Variants in TSNARE1 observed in about 807,000 individuals in gnomAD.
TSNARE1 encodes the protein t-SNARE domain containing 1.
A neutral mutation model predicts 62.0 loss-of-function variants in TSNARE1; 49 were observed. The ratio of observed to expected loss-of-function variants is 0.79; its 90% CI spans 0.63 to 1.00. The LOEUF (loss-of-function observed/expected upper bound fraction) is 1.00, where lower values mean the gene tolerates loss of function less well. TSNARE1 is among the 50% of genes least tolerant of loss of function. TSNARE1 has a pLI of 0.00. For synonymous variants in TSNARE1, 328 were observed against 294.4 expected, an observed-to-expected ratio of 1.11 and a Z score of -1.17; for missense variants, 755 against 700.1, an observed-to-expected ratio of 1.08 and a Z score of -0.88.
chr8:142,377,328 C>T (rs1836414577), intron 1 of TSNARE1, among the ~76,000 whole-genome samples: 1 of 151,566 alleles, frequency 6.6e-6, no homozygotes, highest in African/African-American at 2.4e-5. Context: ...TCCACACACA[C>T]GAACACAGAC....
chr8:142,246,813 T>A (rs1461657647), intron 12 of TSNARE1, among the ~76,000 whole-genome samples: 1 of 152,192 alleles, frequency 6.6e-6, no homozygotes, highest in Non-Finnish European at 1.5e-5. Flanking sequence ...GACACACTCC[T>A]CCTTCCAGTC....
chr8:142,253,197 T>C (rs950251037), intron 12 of TSNARE1, among the ~76,000 whole-genome samples: 13 of 152,080 alleles, frequency 8.5e-5, no homozygotes, highest in African/African-American at 3.1e-4. Flanking sequence ...GCACTACGGG[T>C]ACGGGAGGAG....
At chr8:142,362,169 G>C (rs934068644) in intron 1 of TSNARE1, among the ~76,000 whole-genome samples, 3 of 152,212 alleles carry the variant, frequency 2.0e-5, no homozygotes, top group Non-Finnish European at 4.4e-5. Flanking sequence ...TCAGACAGCG[G>C]CACAGGAAGG....
intron 6 of TSNARE1, among the ~76,000 whole-genome samples, chr8:142,324,046 G>C (rs1332013911): frequency 6.6e-6 from 1 of 152,254 alleles, no homozygotes; most frequent in African/African-American, 2.4e-5. Context: ...GGAAACGCTA[G>C]CTGTACATTG....
chr8:142,229,560 T>C lies in TSNARE1; in HGVS notation c.1466A>G (p.Lys489Arg), dbSNP rs1817005250. The change falls in exon 13 of 14, where the codon AAG (lysine) becomes AGG (arginine). Residue 489 changes from lysine (K) to arginine (R), a missense_variant. Lys to Arg is a conservative substitution (Grantham distance 26). Transcript: ENST00000524325. ...GACTCCAGCTGATAGGAAGCAGCAC[T>C]TGATCTTGTGTCTCTGGAGCTGGGA... Reference protein sequence around the residue: ...SRHQLQRHKIKCCFLSAGVTA... With the variant: ...SRHQLQRHKIRCCFLSAGVTA... 1 of 1,613,982 alleles carries C rather than the reference T, an allele frequency of 6.2e-7. No individual in the cohort carries two copies. The highest frequency in any genetic ancestry group is 1.3e-5 in the African/African-American group (1 of 75,018).
chr8:142,244,158 C>T (rs999034449), intron 12 of TSNARE1, among the ~76,000 whole-genome samples: 1 of 152,216 alleles, frequency 6.6e-6, no homozygotes, highest in Non-Finnish European at 1.5e-5. Flanking sequence ...TGCACTCTAG[C>T]CTGGGCGACA....
At chr8:142,346,989 A>G (rs2130482505) in intron 2 of TSNARE1, among the ~76,000 whole-genome samples, 1 of 152,314 alleles carries the variant, frequency 6.6e-6, no homozygotes, top group East Asian at 1.9e-4. Context: ...TCCTGCCCCC[A>G]GACAGCACTG....
chr8:142,333,652 G>C (rs547498475), intron 4 of TSNARE1, among the ~76,000 whole-genome samples: 1 of 152,272 alleles, frequency 6.6e-6, no homozygotes, highest in Non-Finnish European at 1.5e-5. Context: ...CCAGGGCAGA[G>C]CTGACCCTGG....
chr8:142,223,946 G>GCAC (rs137899858), intron 13 of TSNARE1, among the ~76,000 whole-genome samples: 136,019 of 151,916 alleles, frequency 0.9, 60,974 homozygotes, highest in Non-Finnish European at 0.92. Context: ...GCCACCCAGG[G>GCAC]GAGGGCTTTC....
At chr8:142,342,835 C>T (rs1832767659) in intron 4 of TSNARE1, among the ~76,000 whole-genome samples, 1 of 151,598 alleles carries the variant, frequency 6.6e-6, no homozygotes. Context: ...ACTGTCCGGA[C>T]ACCTGTTCCA....
intron 10 of TSNARE1, among the ~76,000 whole-genome samples, chr8:142,289,569 C>A (rs1393834022): frequency 6.6e-6 from 1 of 152,156 alleles, no homozygotes. Context: ...ACGAACACAC[C>A]ACTGTGCTGT....
intron 13 of TSNARE1, among the ~76,000 whole-genome samples, chr8:142,217,492 C>G (rs1296766455): frequency 1.3e-5 from 2 of 152,144 alleles, no homozygotes; most frequent in African/African-American, 4.8e-5. Flanking sequence ...TGGCCAGAGG[C>G]GAGAGCCAGC....
intron 6 of TSNARE1, among the ~76,000 whole-genome samples, chr8:142,324,683 G>A (rs1056020816): frequency 1.3e-5 from 2 of 152,162 alleles, no homozygotes; most frequent in African/African-American, 4.8e-5. Flanking sequence ...AGCACCTGCA[G>A]GCTGGAGCTG....
At chr8:142,273,241 C>T in intron 12 of TSNARE1, 1 of 985,436 alleles carries the variant, frequency 1.0e-6, no homozygotes, top group Non-Finnish European at 1.2e-6. Flanking sequence ...CCGTCCCAGG[C>T]ATCAGCGCTG....
chr8:142,388,768 G>C (rs1837285749), intron 1 of TSNARE1, among the ~76,000 whole-genome samples: 1 of 151,994 alleles, frequency 6.6e-6, no homozygotes, highest in Non-Finnish European at 1.5e-5. Flanking sequence ...ATGTTGGCCA[G>C]GCTGGTCTCA....
chr8:142,382,145 G>A (rs1002835821), intron 1 of TSNARE1, among the ~76,000 whole-genome samples: 1 of 152,216 alleles, frequency 6.6e-6, no homozygotes, highest in Non-Finnish European at 1.5e-5. Context: ...ATGTGTGAGC[G>A]TGTGTGCTCA....
intron 12 of TSNARE1, among the ~76,000 whole-genome samples, chr8:142,246,742 A>G (rs1166558687): frequency 6.6e-6 from 1 of 152,186 alleles, no homozygotes; most frequent in Non-Finnish European, 1.5e-5. Context: ...AGAACCGTTC[A>G]AGGCCGCAGA....
intron 1 of TSNARE1, among the ~76,000 whole-genome samples, chr8:142,400,466 C>T (rs1288079173): frequency 6.6e-6 from 1 of 151,852 alleles, no homozygotes; most frequent in African/African-American, 2.4e-5. Context: ...AAGGGCCGGG[C>T]ACGGTGGCTC....
At chr8:142,255,513 C>T (rs1453030824) in intron 12 of TSNARE1, among the ~76,000 whole-genome samples, 2 of 60,324 alleles carry the variant, frequency 3.3e-5, no homozygotes, top group African/African-American at 1.7e-4. Flanking sequence ...CCACTGTCAC[C>T]ATCACCACCA....
Sources: allele counts gnomAD v4.1 joint callset (sites outside exome capture counted in the v4.1 genomes callset), GRCh38; gene constraint gnomAD v4.1.1; transcripts MANE v1.5; gene names NCBI Gene and HGNC (gene_info 2026-07-23, HGNC 2026-07-21).